The following ZNF804B variants were observed in gnomAD, a reference collection of about 807,000 sequenced individuals.
ZNF804B encodes the protein zinc finger protein 804B.
ZNF804B carries 80 observed loss-of-function variants against 101.4 expected under a neutral mutation model. That is an observed-to-expected ratio of 0.79 (90% CI 0.66 to 0.95). ZNF804B has a LOEUF of 0.95. Ranked by LOEUF, ZNF804B falls within the 40% of genes least tolerant of loss-of-function variation. ZNF804B has a pLI of 0.00. For synonymous variants in ZNF804B, 622 were observed against 558.8 expected, an observed-to-expected ratio of 1.11 and a Z score of -1.59; for missense variants, 1,673 against 1,561.9, an observed-to-expected ratio of 1.07 and a Z score of -1.20.
intron 1 of ZNF804B, among the ~76,000 whole-genome samples, chr7:89,116,440 A>G (rs529953769): frequency 9.7e-4 from 148 of 152,142 alleles, no homozygotes; most frequent in Non-Finnish European, 1.8e-3. Flanking sequence ...CTCCATTTCT[A>G]TATTTGTCCC....
intron 1 of ZNF804B, among the ~76,000 whole-genome samples, chr7:88,991,786 T>C (rs1403315205): frequency 3.9e-5 from 6 of 152,166 alleles, no homozygotes; most frequent in Non-Finnish European, 5.9e-5. Flanking sequence ...TCAATGAAGC[T>C]ACATGCCAGA....
chr7:89,220,161 A>ATATATATC (rs1491393118), intron 2 of ZNF804B, among the ~76,000 whole-genome samples: 1 of 72,682 alleles, frequency 1.4e-5, no homozygotes, highest in Non-Finnish European at 3.0e-5. Flanking sequence ...ATATATATAT[A>ATATATATC]CGCACATATA....
chr7:88,857,697 G>A (rs1203488302), intron 1 of ZNF804B, among the ~76,000 whole-genome samples: 2 of 151,984 alleles, frequency 1.3e-5, no homozygotes, highest in African/African-American at 4.8e-5. Flanking sequence ...AGGAGGAGCT[G>A]GTACCATAAC....
intron 1 of ZNF804B, among the ~76,000 whole-genome samples, chr7:88,782,117 GTGTGTGTGT>G (rs1360933771): frequency 2.0e-5 from 3 of 151,786 alleles, no homozygotes; most frequent in African/African-American, 7.3e-5. Flanking sequence ...GTGTGTGTGT[GTGTGTGTGT>G]GTGTGTGTGT....
At chr7:89,108,231 T>TG (rs887359015) in intron 1 of ZNF804B, among the ~76,000 whole-genome samples, 7 of 143,792 alleles carry the variant, frequency 4.9e-5, no homozygotes, top group Admixed American at 4.8e-4. Context: ...TGCTTTTTTT[T>TG]TTTTCTTTTC....
At chr7:88,973,167 G>C (rs192639508) in intron 1 of ZNF804B, among the ~76,000 whole-genome samples, 98 of 149,798 alleles carry the variant, frequency 6.5e-4, no homozygotes, top group Non-Finnish European at 1.0e-3. Context: ...ATGATGCCAA[G>C]TTTTACATAT....
chr7:88,891,973 G>A (rs1792221224), intron 1 of ZNF804B, among the ~76,000 whole-genome samples: 1 of 151,876 alleles, frequency 6.6e-6, no homozygotes, highest in Non-Finnish European at 1.5e-5. Flanking sequence ...TGTTTTCAGT[G>A]TTTACCCCAA....
intron 1 of ZNF804B, among the ~76,000 whole-genome samples, chr7:88,799,029 T>G (rs1790536554): frequency 6.6e-6 from 1 of 152,202 alleles, no homozygotes; most frequent in South Asian, 2.1e-4. Flanking sequence ...CAAGTCTTCT[T>G]TCAATTATTC....
At chr7:88,868,213 G>A (rs1348871404) in intron 1 of ZNF804B, among the ~76,000 whole-genome samples, 1 of 152,056 alleles carries the variant, frequency 6.6e-6, no homozygotes, top group Non-Finnish European at 1.5e-5. Flanking sequence ...CTGATAGCCT[G>A]ACTGTACCTA....
intron 1 of ZNF804B, among the ~76,000 whole-genome samples, chr7:88,977,621 G>A (rs1463683472): frequency 6.6e-6 from 1 of 151,214 alleles, no homozygotes; most frequent in Non-Finnish European, 1.5e-5. Context: ...TTCTTCGTTT[G>A]GGTCTCCTCT....
chr7:89,116,689 T>C (rs184423489), intron 1 of ZNF804B, among the ~76,000 whole-genome samples: 170 of 152,336 alleles, frequency 1.1e-3, no homozygotes, highest in Non-Finnish European at 1.9e-3. Context: ...CCATAGTCTT[T>C]ACTTCTAATT....
At chr7:88,848,275 C>T (rs1791404030) in intron 1 of ZNF804B, among the ~76,000 whole-genome samples, 1 of 152,116 alleles carries the variant, frequency 6.6e-6, no homozygotes, top group Non-Finnish European at 1.5e-5. Flanking sequence ...AGATGAAGCT[C>T]AACAGGCAGA....
At chr7:88,809,922 C>T (rs1239923720) in intron 1 of ZNF804B, among the ~76,000 whole-genome samples, 1 of 152,162 alleles carries the variant, frequency 6.6e-6, no homozygotes, top group Non-Finnish European at 1.5e-5. Flanking sequence ...GATGGACCAA[C>T]CTGAGAAATT....
At chr7:89,041,696 C>T (rs1004897903) in intron 1 of ZNF804B, among the ~76,000 whole-genome samples, 6 of 152,122 alleles carry the variant, frequency 3.9e-5, no homozygotes, top group African/African-American at 7.2e-5. Flanking sequence ...TTCCTTTCCT[C>T]GAGCAGGACA....
At chr7:88,879,799 G>A (rs926322720) in intron 1 of ZNF804B, among the ~76,000 whole-genome samples, 3 of 152,172 alleles carry the variant, frequency 2.0e-5, no homozygotes, top group African/African-American at 7.2e-5. Flanking sequence ...AGCACTTTGA[G>A]AGGCTGAGGC....
At chr7:89,201,673 T>C (rs573582337) in intron 1 of ZNF804B, among the ~76,000 whole-genome samples, 7 of 152,148 alleles carry the variant, frequency 4.6e-5, no homozygotes, top group East Asian at 1.9e-4. Flanking sequence ...AGTAATAATA[T>C]ACTCTCTAAA....
intron 1 of ZNF804B, among the ~76,000 whole-genome samples, chr7:89,128,023 T>C (rs558175840): frequency 2.2e-4 from 34 of 151,984 alleles, no homozygotes; most frequent in African/African-American, 7.9e-4. Flanking sequence ...GAAGTACTTT[T>C]GTAGGTATTT....
At chr7:88,801,135 G>A (rs34138917) in intron 1 of ZNF804B, among the ~76,000 whole-genome samples, 39,644 of 151,374 alleles carry the variant, frequency 0.26, 5,724 homozygotes, top group East Asian at 0.4. Context: ...TGATTTGCAA[G>A]ATTCTAGTGC....
rs569757014 is a variant in ZNF804B at position 88,913,556 on chromosome 7, G to A, written c.108+153472G>A. ...ATTACAGGTGCCTGTCACCAGGCCC[G>A]GTTAATTTTTTTGTTTTTTAGTAGA... On this transcript the variant is annotated intron_variant, in intron 1 of 3. Transcript: ENST00000333190. Among the ~76,000 whole-genome samples the A allele has an allele frequency of 4.6e-5, 7 of 152,152 alleles. No individual in the cohort carries two copies. In the South Asian group the frequency reaches 6.2e-4, roughly 14 times the overall value.
Sources: gnomAD v4.1 joint callset for allele counts (sites outside exome capture counted in the v4.1 genomes callset) on GRCh38, gnomAD v4.1.1 for gene constraint, MANE v1.5 for transcripts, NCBI Gene and HGNC (gene_info 2026-07-23, HGNC 2026-07-21) for gene names.